GPHN: variants seen among roughly 807,000 people sequenced by gnomAD.
GPHN encodes the protein gephyrin.
In GPHN, 17 loss-of-function variants were observed where a neutral mutation model predicts 95.5. That is an observed-to-expected ratio of 0.18 (90% confidence interval 0.12 to 0.27). The LOEUF (loss-of-function observed/expected upper bound fraction) is 0.27, where lower values mean the gene tolerates loss of function less well. GPHN is among the 10% of genes least tolerant of loss of function. GPHN has a pLI of 1.00. For missense variants in GPHN, 660 were observed against 978.1 expected (o/e 0.67, Z 4.34); for synonymous variants, 320 against 322.5 (o/e 0.99, Z 0.08).
intron 1 of GPHN, among the ~76,000 whole-genome samples, chr14:66,670,966 A>G (rs1277357132): frequency 6.6e-6 from 1 of 152,202 alleles, no homozygotes; most frequent in Non-Finnish European, 1.5e-5. Context: ...TACAATGTTT[A>G]TAATTTGTGT....
chr14:66,571,274 T>C (rs939027974), intron 1 of GPHN, among the ~76,000 whole-genome samples: 2 of 152,104 alleles, frequency 1.3e-5, no homozygotes, highest in East Asian at 3.9e-4. Context: ...TCACTCACTA[T>C]CATGAGAACA....
At chr14:67,642,767 TC>T in the GPHN span, among the ~76,000 whole-genome samples, 1 of 145,668 alleles carries the variant, frequency 6.9e-6, no homozygotes, top group Non-Finnish European at 1.5e-5. Flanking sequence ...CTGTTAGAAA[TC>T]CCCTTTGGCA....
At chr14:66,653,190 G>A (rs1471076355) in intron 1 of GPHN, among the ~76,000 whole-genome samples, 1 of 152,066 alleles carries the variant, frequency 6.6e-6, no homozygotes, top group Non-Finnish European at 1.5e-5. Flanking sequence ...TCAACTTTCA[G>A]TGTTTTCTTT....
chr14:67,238,650 C>CT, the GPHN span, among the ~76,000 whole-genome samples: 349 of 147,292 alleles, frequency 2.4e-3, 1 homozygote, highest in Middle Eastern at 7.0e-3. Context: ...AAAATAATAA[C>CT]TTTTTTTTTT....
chr14:67,338,704 C>G, the GPHN span: 3 of 1,613,834 alleles, frequency 1.9e-6, no homozygotes, highest in South Asian at 2.2e-5. Flanking sequence ...CTCCTTTGCT[C>G]CAAGTCCTTC....
intron 1 of GPHN, among the ~76,000 whole-genome samples, chr14:66,646,854 G>A (rs529438369): frequency 2.0e-5 from 3 of 151,984 alleles, no homozygotes; most frequent in African/African-American, 4.8e-5. Flanking sequence ...GGATTAAGGT[G>A]GTGAATTTTA....
chr14:67,599,924 A>C, the GPHN span: 2 of 967,172 alleles, frequency 2.1e-6, no homozygotes, highest in African/African-American at 1.7e-5. Context: ...TCACTGTAGG[A>C]GGGGCCGACC....
At chr14:67,660,442 G>T in the GPHN span, among the ~76,000 whole-genome samples, 3 of 152,086 alleles carry the variant, frequency 2.0e-5, no homozygotes, top group African/African-American at 7.2e-5. Flanking sequence ...AAGGAGTCAG[G>T]ATTCAAAATC....
intron 2 of GPHN, among the ~76,000 whole-genome samples, chr14:66,751,477 C>T (rs889649444): frequency 6.6e-6 from 1 of 151,994 alleles, no homozygotes; most frequent in Non-Finnish European, 1.5e-5. Flanking sequence ...TTGTTGGCTG[C>T]ATGTATGTCT....
intron 5 of GPHN, among the ~76,000 whole-genome samples, chr14:66,904,105 C>T (rs762485284): frequency 2.6e-5 from 4 of 152,042 alleles, no homozygotes; most frequent in Admixed American, 1.3e-4. Context: ...TGGTTCCTTC[C>T]GGTGGGTTCG....
the GPHN span, among the ~76,000 whole-genome samples, chr14:67,206,067 C>T: frequency 2.0e-5 from 3 of 152,128 alleles, no homozygotes; most frequent in African/African-American, 7.2e-5. Flanking sequence ...GCCTGTAGTC[C>T]CAGCTACTAG....
chr14:66,721,228 A>T (rs2070710474), intron 2 of GPHN, among the ~76,000 whole-genome samples: 1 of 152,226 alleles, frequency 6.6e-6, no homozygotes, highest in African/African-American at 2.4e-5. Context: ...AAATGCTTTC[A>T]GAGAAGAATC....
At chr14:67,686,931 T>C in the GPHN span, among the ~76,000 whole-genome samples, 1 of 152,172 alleles carries the variant, frequency 6.6e-6, no homozygotes, top group Non-Finnish European at 1.5e-5. Context: ...AGCTGTATTA[T>C]TCCCAACTGC....
chr14:67,361,227 A>T, the GPHN span, among the ~76,000 whole-genome samples: 1 of 152,212 alleles, frequency 6.6e-6, no homozygotes. Context: ...TTAAGCAAAA[A>T]ACATGGTTTC....
the GPHN span, among the ~76,000 whole-genome samples, chr14:67,595,635 A>G: frequency 6.6e-6 from 1 of 152,168 alleles, no homozygotes; most frequent in Non-Finnish European, 1.5e-5. Flanking sequence ...CTTCTGGAAA[A>G]CTTGAGTTTA....
the GPHN span, among the ~76,000 whole-genome samples, chr14:67,257,802 A>G: frequency 1.3e-5 from 2 of 152,214 alleles, no homozygotes; most frequent in South Asian, 2.1e-4. Flanking sequence ...ATTGTTCTTC[A>G]TAGTAGGTTT....
chr14:67,041,110 T>TA (rs1428638036), intron 10 of GPHN, among the ~76,000 whole-genome samples: 1 of 152,144 alleles, frequency 6.6e-6, no homozygotes, highest in African/African-American at 2.4e-5. Flanking sequence ...CCTTCTGTTA[T>TA]AAGGAAGAAT....
At chr14:67,164,118 A>G (rs1050300521) in intron 19 of GPHN, among the ~76,000 whole-genome samples, 4 of 151,636 alleles carry the variant, frequency 2.6e-5, no homozygotes, top group Admixed American at 2.6e-4. Flanking sequence ...AAAAAACAAA[A>G]TTAGCCGGGC....
the GPHN span, among the ~76,000 whole-genome samples, chr14:67,621,567 T>C: frequency 6.6e-6 from 1 of 151,822 alleles, no homozygotes; most frequent in East Asian, 2.0e-4. Context: ...GCAATTCTCC[T>C]CCCAAGTAGC....
Sources: allele counts gnomAD v4.1 joint callset (sites outside exome capture counted in the v4.1 genomes callset), GRCh38; gene constraint gnomAD v4.1.1; transcripts MANE v1.5; gene names NCBI Gene and HGNC (gene_info 2026-07-23, HGNC 2026-07-21).